The following TNRC18 variants were observed in gnomAD, a reference collection of about 807,000 sequenced individuals.
TNRC18 encodes trinucleotide repeat containing 18.
Under a neutral mutation model 226.7 loss-of-function variants are expected in TNRC18, and 69 were observed. The observed-to-expected ratio is 0.30, with a 90% CI of 0.25 to 0.37. TNRC18 has a LOEUF of 0.37. Ranked by LOEUF, TNRC18 falls within the 10% of genes least tolerant of loss-of-function variation. TNRC18 has a pLI of 1.00. For missense variants in TNRC18, 4,754 were observed against 4,256.6 expected, an observed-to-expected ratio of 1.12 and a Z score of -3.25; for synonymous variants, 2,449 against 1,927.6, an observed-to-expected ratio of 1.27 and a Z score of -7.09.
At chr7:5,359,591 G>C in intron 14 of TNRC18, 22 bp from the exon 15 acceptor site, 1 of 1,612,562 alleles carries the variant, frequency 6.2e-7, no homozygotes, top group Non-Finnish European at 8.5e-7. Flanking sequence ...ACACACTGCC[G>C]GTCAGCACCC....
In TNRC18 at chr7:5,325,168, A is replaced by T. The variant is rs1397346945; in HGVS notation, c.6228T>A (p.Ala2076=). The change falls in exon 20 of 30, where the codon GCT becomes GCA. Residue 2076 remains alanine (A), a synonymous_variant. Transcript: ENST00000430969. The part of the protein sequence containing the change: ...RAPALPSEAR[A]PHASSLTAAK... ...CAGCGGTCAGGGAGCTGGCGTGAGG[A>T]GCCCTGGCCTCAGAGGGCAAGGCAG... 3.2e-6 allele frequency: 5 copies of T among 1,552,942 alleles called. No homozygotes were observed. In the African/African-American group the frequency reaches 6.8e-5, roughly 21 times the overall value.
intron 24 of TNRC18, among the ~76,000 whole-genome samples, chr7:5,316,925 C>T (rs1787905595): frequency 6.6e-6 from 1 of 152,114 alleles, no homozygotes; most frequent in Non-Finnish European, 1.5e-5. Flanking sequence ...ACTGAACAGG[C>T]TGAGGGTGGC....
intron 2 of TNRC18, among the ~76,000 whole-genome samples, chr7:5,397,886 G>C (rs1193048167): frequency 6.6e-6 from 1 of 152,174 alleles, no homozygotes; most frequent in African/African-American, 2.4e-5. Flanking sequence ...CCCTCCTTGA[G>C]GGCGGGGACT....
chr7:5,307,987 C>A lies in TNRC18; in HGVS notation c.*119G>T, dbSNP rs1225708390. The A allele has an allele frequency of 8.7e-6, 8 of 920,658 alleles. No individual in the cohort carries two copies. The highest frequency in any genetic ancestry group is 3.3e-5 in the African/African-American group (2 of 60,544). 57.0% of individuals were successfully genotyped at this position (920,658 alleles called of 1,614,324 possible). ...ATCCACGTGCACACCTGGCCCCATG[C>A]ACACGCCTGCAGGAGCGCTCGCATG... On this transcript the variant is annotated 3_prime_UTR_variant, in exon 30 of 30. Coordinates refer to ENST00000430969, the MANE Select transcript of TNRC18 (RefSeq NM_001080495.3).
At chr7:5,317,334 AATC>A (rs1787949060) in intron 24 of TNRC18, among the ~76,000 whole-genome samples, 1 of 152,174 alleles carries the variant, frequency 6.6e-6, no homozygotes, top group Non-Finnish European at 1.5e-5. Flanking sequence ...TCACGCCTGT[AATC>A]CCAGCACTTT....
Position 5,421,075 on chromosome 7 carries a change from G to C in TNRC18, c.172C>G (p.Leu58Val). 9 of 1,508,950 alleles carry C rather than the reference G, an allele frequency of 6.0e-6. 1 individual carries two copies. Among genetic ancestry groups the C allele is most frequent in the Non-Finnish European group, 8.0e-6 (9 of 1,118,504 alleles). 93.5% of individuals were successfully genotyped at this position (1,508,950 alleles called of 1,614,324 possible). ...GGGCACTTACCCGGGTGCGGATGGA[G>C]ATTCAGGCCGGCCATGTACTTCCCG... ...PPGKYMAGLN[L>V]HPHPGEAFLG... The change falls in exon 2 of 30, where the codon CTC becomes GTC. Residue 58 changes from leucine to valine, a missense_variant. Coordinates refer to ENST00000430969, the MANE Select transcript of TNRC18 (RefSeq NM_001080495.3).
At chr7:5,350,845 C>T (rs572938514) in intron 17 of TNRC18, among the ~76,000 whole-genome samples, 11 of 152,304 alleles carry the variant, frequency 7.2e-5, no homozygotes, top group African/African-American at 2.6e-4. Flanking sequence ...GAGCACGATG[C>T]TCCGTCCCTT....
At chr7:5,354,790 G>A (rs966493856) in intron 16 of TNRC18, among the ~76,000 whole-genome samples, 22 of 152,152 alleles carry the variant, frequency 1.4e-4, no homozygotes, top group Admixed American at 3.3e-4. Flanking sequence ...CAGGTGCCAC[G>A]TTCAGCTCTC....
Position 5,351,977 on chromosome 7 carries a change from G to T in TNRC18, c.5312C>A (p.Ala1771Glu). 1 of 1,613,980 alleles carries T rather than the reference G, an allele frequency of 6.2e-7. No individual in the cohort carries two copies. Among genetic ancestry groups the T allele is most frequent in the Non-Finnish European group, 8.5e-7 (1 of 1,179,884 alleles). ...CTTGGTCAGCTTGGGGCCACCAGCT[G>T]CCTTGCTGTTCTTTGCCACCATGCT... ...LCSMVAKNSK[A>E]AGGPKLTKRG... Residue 1771 changes from alanine (A) to glutamate (E), a missense_variant, in exon 17 of 30, where the codon GCA becomes GAA. Transcript: ENST00000430969.
chr7:5,420,782 G>A (rs1461246528), intron 2 of TNRC18: 22 of 660,360 alleles, frequency 3.3e-5, no homozygotes, highest in Non-Finnish European at 5.6e-5. Context: ...CGGGGCCCCG[G>A]GGATTGGAAT....
intron 17 of TNRC18, among the ~76,000 whole-genome samples, chr7:5,346,079 C>T (rs1562523264): frequency 6.6e-6 from 1 of 152,248 alleles, no homozygotes; most frequent in Non-Finnish European, 1.5e-5. Context: ...CTGTGAGGGG[C>T]ACCAACATGC....
intron 19 of TNRC18, among the ~76,000 whole-genome samples, chr7:5,328,857 G>A (rs1789216583): frequency 6.6e-6 from 1 of 152,110 alleles, no homozygotes; most frequent in Non-Finnish European, 1.5e-5. Flanking sequence ...GTGTGTTGGT[G>A]TGCCACTGTG....
intron 2 of TNRC18, among the ~76,000 whole-genome samples, chr7:5,405,763 A>G (rs4724673): frequency 0.15 from 22,978 of 152,098 alleles, 3,389 homozygotes; most frequent in African/African-American, 0.38. Flanking sequence ...AAATAAAAAT[A>G]AAAAGTATAC....
At chr7:5,354,529 A>G (rs1409970783) in intron 16 of TNRC18, among the ~76,000 whole-genome samples, 2 of 151,994 alleles carry the variant, frequency 1.3e-5, no homozygotes, top group Admixed American at 1.3e-4. Context: ...CCTCAGAGTG[A>G]TGAGTCTCTG....
rs935262230 is a variant in TNRC18 at position 5,307,191 on chromosome 7, T to C, written c.*915A>G. The stretch of plus-strand genomic sequence containing the variant: ...ATCTAACAGGAAATAAAAAATAATA[T>C]TCTGCACGTCAGAATGTTTTTTTTT... On this transcript the variant is annotated 3_prime_UTR_variant, in exon 30 of 30. Coordinates refer to ENST00000430969, the MANE Select transcript of TNRC18 (RefSeq NM_001080495.3). The C allele has an allele frequency of 7.9e-6, 1 of 127,150 alleles. No individual in the cohort carries two copies. Among genetic ancestry groups the C allele is most frequent in the East Asian group, 2.0e-4 (1 of 5,028 alleles). 7.9% of individuals were successfully genotyped at this position (127,150 alleles called of 1,614,324 possible).
At chr7:5,320,149 T>C (rs1398178648) in intron 24 of TNRC18, 169 bp downstream of exon 24, 2 of 603,996 alleles carry the variant, frequency 3.3e-6, no homozygotes, top group Non-Finnish European at 6.0e-6. Context: ...CCTGATGACA[T>C]CGTTTAAATG....
At chr7:5,390,358 CAAAAAAA>C (rs11295332) in intron 4 of TNRC18, 120 bp downstream of exon 4, 409 of 718,850 alleles carry the variant, frequency 5.7e-4, no homozygotes, top group Admixed American at 1.2e-3. Context: ...GACCCTGTCT[CAAAAAAA>C]AAAAAAAAAA....
At chr7:5,419,402 CT>C (rs1782396519) in intron 2 of TNRC18, among the ~76,000 whole-genome samples, 1 of 152,184 alleles carries the variant, frequency 6.6e-6, no homozygotes, top group African/African-American at 2.4e-5. Flanking sequence ...GATTCCCAGG[CT>C]TGGGGGGGGC....
In TNRC18 at chr7:5,362,019, C is replaced by T; in HGVS notation, c.4410G>A (p.Lys1470=). ...GGGCGTCCATGTCCTCCAGGGAGGA[C>T]TTCATGGCATACATCTGGGGGAAGA... ...RKKEERMYAM[K]SSLEDMDALE... The change falls in exon 13 of 30, where the codon AAG becomes AAA. Residue 1470 remains lysine (K), a synonymous_variant. Coordinates refer to ENST00000430969, the MANE Select transcript of TNRC18 (RefSeq NM_001080495.3). The T allele has an allele frequency of 1.2e-6, 2 of 1,613,368 alleles. No individual in the cohort carries two copies. Among genetic ancestry groups the T allele is most frequent in the African/African-American group, 2.7e-5 (2 of 75,030 alleles).
Sources: allele counts gnomAD v4.1 joint callset (sites outside exome capture counted in the v4.1 genomes callset), GRCh38; gene constraint gnomAD v4.1.1; transcripts MANE v1.5; gene names NCBI Gene and HGNC (gene_info 2026-07-23, HGNC 2026-07-21).